Variants in TPSB2 observed in about 807,000 individuals in gnomAD.
The protein encoded by TPSB2 is tryptase beta-2.
TPSB2 carries 13 observed loss-of-function variants against 19.8 expected under a neutral mutation model. The ratio of observed to expected loss-of-function variants is 0.66; its 90% CI spans 0.43 to 1.04. TPSB2 has a LOEUF of 1.04. Among genes scored for constraint, TPSB2 ranks in the 50% least tolerant of loss-of-function variants. The probability of loss-of-function intolerance (pLI) is 0.00; values close to 1 mark genes in which losing one functional copy is unlikely to be tolerated. For missense variants in TPSB2, 196 were observed against 259.9 expected, an observed-to-expected ratio of 0.75 and a Z score of 1.69; for synonymous variants, 78 against 116.4, an observed-to-expected ratio of 0.67 and a Z score of 2.12.
At position 1,228,764 on chromosome 16, in the gene TPSB2, C is replaced by G; in HGVS notation, c.714G>C (p.Gln238His). The change falls in exon 6 of 6, where the codon CAG becomes CAC. Residue 238 changes from glutamine to histidine, a missense_variant. Coordinates refer to ENST00000606293, the MANE Select transcript of TPSB2 (RefSeq NM_024164.6). Reference sequence around the variant, plus strand: ...CCTCGCCCCAGCTGACCACGCCCGCCTGCAGCCAGGTGCCATTCACCTTGC... The same window carrying G: ...CCTCGCCCCAGCTGACCACGCCCGCGTGCAGCCAGGTGCCATTCACCTTGC... ...LVCKVNGTWL[Q>H]AGVVSWGEGC... 1 of 1,567,576 alleles carries G rather than the reference C, an allele frequency of 6.4e-7. No homozygotes were observed. Among genetic ancestry groups the G allele is most frequent in the Non-Finnish European group, 8.6e-7 (1 of 1,159,938 alleles).
rs1060344 is a variant in TPSB2, at chr16:1,228,414, C to T, written c.*236G>A. 1.3e-4 allele frequency: 116 copies of T among 910,018 alleles called. No homozygotes were observed. The highest frequency in any genetic ancestry group is 5.4e-4 in the South Asian group (30 of 55,166). The allele number at this position is 910,018 out of a possible 1,614,324, so 56.4% of individuals were successfully genotyped here. On this transcript the variant is annotated 3_prime_UTR_variant, in exon 6 of 6. Coordinates refer to ENST00000606293, the MANE Select transcript of TPSB2 (RefSeq NM_024164.6). ...ACCAGCTGCCTGGGCAGGGGAGGGC[C>T]GGAGGGCCCGGTGCAGGCGTCAGGC...
Position 1,229,612 on chromosome 16 carries a change from G to A in TPSB2, c.187C>T (p.Leu63Phe), listed in dbSNP as rs368005068. 3 of 1,598,422 alleles carry A rather than the reference G, an allele frequency of 1.9e-6. No homozygotes were observed. The highest frequency in any genetic ancestry group is 1.7e-6 in the Non-Finnish European group (2 of 1,177,816). ...GTCAGCACCCACTGGGGGTGGATGAGGGAGCCCCCGCAGAAGTGCATCCAG... is the reference window on the plus strand; with the variant it reads ...GTCAGCACCCACTGGGGGTGGATGAAGGAGCCCCCGCAGAAGTGCATCCAG... The part of the protein sequence containing the change: ...RYWMHFCGGS[L>F]IHPQWVLTAA... The change falls in exon 3 of 6, where the codon CTC (leucine) becomes TTC (phenylalanine). Residue 63 changes from leucine (L) to phenylalanine (F), a missense_variant. Physicochemically the swap from Leu to Phe is conservative, Grantham distance 22 (BLOSUM62 0). Around this residue, in one of 4 missense-constraint regions of TPSB2, gnomAD observed 72 missense variants for 80.5 expected, o/e 0.89. Coordinates refer to ENST00000606293, the MANE Select transcript of TPSB2 (RefSeq NM_024164.6).
rs1348294848 is a variant in TPSB2, at chr16:1,228,485, A to G, written c.*165T>C. Reference sequence around the variant, plus strand: ...CAGGATGGGGAAGGGTCCTCAGGACAGGGGAAGGGGCTCAGAAGAGAGCAG... The same window carrying G: ...CAGGATGGGGAAGGGTCCTCAGGACGGGGGAAGGGGCTCAGAAGAGAGCAG... On this transcript the variant is annotated 3_prime_UTR_variant, in exon 6 of 6. Transcript: ENST00000606293. The G allele has an allele frequency of 8.5e-5, 100 of 1,179,416 alleles. No individual in the cohort carries two copies. The highest frequency in any genetic ancestry group is 1.1e-4 in the Non-Finnish European group (92 of 850,686). The allele number at this position is 1,179,416 out of a possible 1,614,324, so 73.1% of individuals were successfully genotyped here. A position where few individuals can be genotyped will look rare whatever the true frequency, so the allele number is the denominator to read the frequency against.
At position 1,228,353 on chromosome 16, in the gene TPSB2, A is replaced by T. The variant is rs2030259215; in HGVS notation, c.*297T>A. 10 of 552,854 alleles carry T rather than the reference A, an allele frequency of 1.8e-5. No homozygotes were observed. Among genetic ancestry groups the T allele is most frequent in the Middle Eastern group, 4.7e-4 (1 of 2,106 alleles). 34.2% of individuals were successfully genotyped at this position (552,854 alleles called of 1,614,324 possible). ...CACACCAGTGATTTCCATGCACTTT[A>T]ATGAGGTCCAGCACTCAGGAGGATT... is the stretch of plus-strand genomic sequence containing the variant. On this transcript the variant is annotated 3_prime_UTR_variant, in exon 6 of 6. Coordinates refer to ENST00000606293, the MANE Select transcript of TPSB2 (RefSeq NM_024164.6).
Position 1,228,879 on chromosome 16 carries a change from C to A in TPSB2, c.663+21G>T, listed in dbSNP as rs768079829. 1.2e-4 allele frequency: 2 copies of A among 17,250 alleles called. 1 individual carries two copies. The highest frequency in any genetic ancestry group is 1.8e-3 in the Admixed American group (2 of 1,104). The allele number at this position is 17,250 out of a possible 1,614,324, so 1.1% of individuals were successfully genotyped here. A position where few individuals can be genotyped will look rare whatever the true frequency, so the allele number is the denominator to read the frequency against. Reference sequence around the variant, plus strand: ...GGAGTGGGGGTTGGGGGGCGGGGGGCGGGGGACAGGCGGGGCCCACCTGGC... The same window carrying A: ...GGAGTGGGGGTTGGGGGGCGGGGGGAGGGGGACAGGCGGGGCCCACCTGGC... On this transcript the variant is annotated intron_variant, in intron 5 of 5. Transcript: ENST00000606293.
rs2030280787 is a variant in TPSB2, at chr16:1,228,738, C to T, written c.740G>A (p.Gly247Asp). The T allele has an allele frequency of 3.8e-6, 6 of 1,588,136 alleles. No individual in the cohort carries two copies. Among genetic ancestry groups the T allele is most frequent in the Non-Finnish European group, 5.1e-6 (6 of 1,168,590 alleles). Residue 247 changes from glycine (G) to aspartate (D), a missense_variant, in exon 6 of 6, where the codon GGC becomes GAC. Gly to Asp is a moderately conservative substitution (Grantham distance 94). Coordinates refer to ENST00000606293, the MANE Select transcript of TPSB2 (RefSeq NM_024164.6). ...LQAGVVSWGE[G>D]CAQPNRPGIY... is the part of the protein sequence containing the mutation. ...GCCAGGCCGGTTGGGCTGGGCACAG[C>T]CCTCGCCCCAGCTGACCACGCCCGC...
Position 1,229,383 on chromosome 16 carries a change from G to A in TPSB2, c.307C>T (p.Pro103Ser), listed in dbSNP as rs1427339772. ...QHLYYQDQLLPVSRIIVHPQF... is the reference protein window; with the variant it reads ...QHLYYQDQLLSVSRIIVHPQF... ...GGGTGCACGATGATCCTGCTGACCG[G>A]CAGCAGCTGGTCCTGGTAGTAGAGG... The change falls in exon 4 of 6, where the codon CCG becomes TCG. Residue 103 changes from proline to serine, a missense_variant. This residue lies in a region of TPSB2 where 15 missense variants were observed against 40.7 expected (regional missense o/e 0.37). Coordinates refer to ENST00000606293, the MANE Select transcript of TPSB2 (RefSeq NM_024164.6). 2.3e-6 allele frequency: 2 copies of A among 863,238 alleles called. No homozygotes were observed. Among genetic ancestry groups the A allele is most frequent in the East Asian group, 3.3e-5 (1 of 30,764 alleles). The allele number at this position is 863,238 out of a possible 1,614,324, so 53.5% of individuals were successfully genotyped here. A position where few individuals can be genotyped will look rare whatever the true frequency, so the allele number is the denominator to read the frequency against.
At position 1,228,661 on chromosome 16, in the gene TPSB2, T is replaced by G. The variant is rs752260264; in HGVS notation, c.817A>C (p.Lys273Gln). The change falls in exon 6 of 6, where the codon AAA (lysine) becomes CAA (glutamine). Residue 273 changes from lysine (K) to glutamine (Q), a missense_variant. Lys to Gln is a moderately conservative substitution (Grantham distance 53, BLOSUM62 1). Transcript: ENST00000606293. ...ACCCCAGGCCTGACTCACGGCTTTT[T>G]GGGGACATAGTGGTGGATCCAGTCC... is the stretch of plus-strand genomic sequence containing the variant. The part of the protein sequence containing the change: ...YLDWIHHYVP[K>Q]KP 24 of 1,602,800 alleles carry G rather than the reference T, an allele frequency of 1.5e-5. No homozygotes were observed. Among genetic ancestry groups the G allele is most frequent in the African/African-American group, 2.8e-5 (2 of 71,368 alleles).
chr16:1,229,724 G>A lies in TPSB2; in HGVS notation c.75C>T (p.Ala25=), dbSNP rs775741560. 1.9e-6 allele frequency: 3 copies of A among 1,592,396 alleles called. No individual in the cohort carries two copies. Among genetic ancestry groups the A allele is most frequent in the African/African-American group, 1.4e-5 (1 of 71,196 alleles). The change falls in exon 3 of 6, where the codon GCC becomes GCT. Residue 25 remains alanine (A), a synonymous_variant. Coordinates refer to ENST00000606293, the MANE Select transcript of TPSB2 (RefSeq NM_024164.6). ...RAYAAPAPGQ[A]LQRVGIVGGQ... ...CCCCAACGATGCCCACTCGCTGCAG[G>A]GCCTGGCCTGGGGCTGGGGCAGGTG...
Position 1,228,540 on chromosome 16 carries a change from A to G in TPSB2, c.*110T>C. ...CTTAGGACAGGAAGGGGCACTCAGG[A>G]CGGGGCAGGGAAGGTGTGGGGGGCA... On this transcript the variant is annotated 3_prime_UTR_variant, in exon 6 of 6. Transcript: ENST00000606293. 1.4e-6 allele frequency: 1 copy of G among 699,468 alleles called. No individual in the cohort carries two copies. The highest frequency in any genetic ancestry group is 2.4e-6 in the Non-Finnish European group (1 of 411,248). The allele number at this position is 699,468 out of a possible 1,614,324, so 43.3% of individuals were successfully genotyped here.
Position 1,228,654 on chromosome 16 carries a change from G to A in TPSB2, c.824C>T (p.Pro275Leu), listed in dbSNP as rs754989651. ...GGTGGACACCCCAGGCCTGACTCAC[G>A]GCTTTTTGGGGACATAGTGGTGGAT... ...DWIHHYVPKKP is the reference protein window; with the variant it reads ...DWIHHYVPKKL Residue 275 changes from proline to leucine, a missense_variant, in exon 6 of 6, where the codon CCG (proline) becomes CTG (leucine). Around this residue, in one of 4 missense-constraint regions of TPSB2, gnomAD observed 109 missense variants for 110.2 expected, o/e 0.99. Transcript: ENST00000606293. 4.4e-5 allele frequency: 70 copies of A among 1,603,016 alleles called. 1 individual carries two copies. The highest frequency in any genetic ancestry group is 2.8e-4 in the East Asian group (12 of 43,248).
chr16:1,229,323 C>G lies in TPSB2; in HGVS notation c.367G>C (p.Ala123Pro). The G allele has an allele frequency of 1.9e-6, 1 of 535,756 alleles. No homozygotes were observed. The highest frequency in any genetic ancestry group is 2.7e-6 in the Non-Finnish European group (1 of 376,012). The allele number at this position is 535,756 out of a possible 1,614,324, so 33.2% of individuals were successfully genotyped here. ...ACCGGCTCCTCCAGCTCCAGCAGGG[C>G]GATGTCCGCTCCGATCTGGGCGGTG... ...FYTAQIGADI[A>P]LLELEEPVNV... Residue 123 changes from alanine (A) to proline (P), a missense_variant, in exon 4 of 6, where the codon GCC becomes CCC. Coordinates refer to ENST00000606293, the MANE Select transcript of TPSB2 (RefSeq NM_024164.6).
Position 1,228,879 on chromosome 16 carries a change from CG to C in TPSB2, c.663+20del, listed in dbSNP as rs2030291338. ...GGAGTGGGGGTTGGGGGGCGGGGGG[CG>C]GGGGACAGGCGGGGCCCACCTGGCA... On this transcript the variant is annotated intron_variant, in intron 5 of 5. Coordinates refer to ENST00000606293, the MANE Select transcript of TPSB2 (RefSeq NM_024164.6). 1 of 17,250 alleles carries C rather than the reference CG, an allele frequency of 5.8e-5. No individual in the cohort carries two copies. Among genetic ancestry groups the C allele is most frequent in the Admixed American group, 9.1e-4 (1 of 1,104 alleles). 1.1% of individuals were successfully genotyped at this position (17,250 alleles called of 1,614,324 possible).
Position 1,228,649 on chromosome 16 carries a change from C to T in TPSB2, c.*1G>A, listed in dbSNP as rs760788981. On this transcript the variant is annotated 3_prime_UTR_variant, in exon 6 of 6. Transcript: ENST00000606293. ...ACCCAGGTGGACACCCCAGGCCTGA[C>T]TCACGGCTTTTTGGGGACATAGTGG... 2 of 1,602,772 alleles carry T rather than the reference C, an allele frequency of 1.2e-6. No homozygotes were observed. The highest frequency in any genetic ancestry group is 2.3e-5 in the East Asian group (1 of 43,198).
Position 1,228,454 on chromosome 16 carries a change from G to A in TPSB2, c.*196C>T, listed in dbSNP as rs1482551109. 1.6e-6 allele frequency: 2 copies of A among 1,215,480 alleles called. No homozygotes were observed. Among genetic ancestry groups the A allele is most frequent in the Non-Finnish European group, 1.1e-6 (1 of 886,704 alleles). 75.3% of individuals were successfully genotyped at this position (1,215,480 alleles called of 1,614,324 possible). On this transcript the variant is annotated 3_prime_UTR_variant, in exon 6 of 6. Coordinates refer to ENST00000606293, the MANE Select transcript of TPSB2 (RefSeq NM_024164.6). ...AGGCGTCAGGCTTAGGACAGGGAAG[G>A]GGGCTCAGGATGGGGAAGGGTCCTC...
chr16:1,229,284 G>A lies in TPSB2; in HGVS notation c.406C>T (p.His136Tyr). The change falls in exon 4 of 6, where the codon CAC becomes TAC. Residue 136 changes from histidine to tyrosine, a missense_variant. Transcript: ENST00000606293. ...GGGGGCAGGGTGACCGTGTGGACGT[G>A]GCTGGAGACGTTCACCGGCTCCTCC... is the stretch of plus-strand genomic sequence containing the variant. ...ELEEPVNVSS[H>Y]VHTVTLPPAS... 1.1e-5 allele frequency: 5 copies of A among 439,528 alleles called. No homozygotes were observed. The highest frequency in any genetic ancestry group is 6.3e-5 in the East Asian group (1 of 15,978). The allele number at this position is 439,528 out of a possible 1,614,324, so 27.2% of individuals were successfully genotyped here.
chr16:1,229,091 C>G (rs759140014), intron 4 of TPSB2, 28 bp from the exon 5 acceptor site: 110,854 of 312,010 alleles, frequency 0.36, 5,083 homozygotes, highest in East Asian at 0.53. Context: ...GGTGCAGCCT[C>G]AGGAGGGGGC....
At position 1,228,810 on chromosome 16, in the gene TPSB2, T is replaced by G. The variant is rs1287226986; in HGVS notation, c.668A>C (p.Asp223Ala). The part of the protein sequence containing the change: ...GNTRRDSCQG[D>A]SGGPLVCKVN... ...CTTGCACACCAGGGGCCCTCCGGAG[T>G]CGCCCTGGGAAGGTCAGAGGTCAGC... Residue 223 changes from aspartate (D) to alanine (A), a missense_variant, in exon 6 of 6, where the codon GAC becomes GCC. Coordinates refer to ENST00000606293, the MANE Select transcript of TPSB2 (RefSeq NM_024164.6). The G allele has an allele frequency of 3.0e-6, 4 of 1,322,672 alleles. No individual in the cohort carries two copies. Among genetic ancestry groups the G allele is most frequent in the Non-Finnish European group, 3.9e-6 (4 of 1,018,290 alleles). The allele number at this position is 1,322,672 out of a possible 1,614,324, so 81.9% of individuals were successfully genotyped here.
Position 1,229,731 on chromosome 16 carries a change from C to G in TPSB2, c.68G>C (p.Gly23Ala), listed in dbSNP as rs201836020. ...GATGCCCACTCGCTGCAGGGCCTGG[C>G]CTGGGGCTGGGGCAGGTGCCAGGTC... The part of the protein sequence containing the change: ...ASRAYAAPAP[G>A]QALQRVGIVG... The change falls in exon 3 of 6, where the codon GGC becomes GCC. Residue 23 changes from glycine to alanine, a missense_variant. Gly to Ala is a moderately conservative substitution (Grantham distance 60). Coordinates refer to ENST00000606293, the MANE Select transcript of TPSB2 (RefSeq NM_024164.6). 3 of 1,512,836 alleles carry G rather than the reference C, an allele frequency of 2.0e-6. No homozygotes were observed. The highest frequency in any genetic ancestry group is 2.7e-6 in the Non-Finnish European group (3 of 1,109,288). The allele number at this position is 1,512,836 out of a possible 1,614,324, so 93.7% of individuals were successfully genotyped here.
Sources: allele counts gnomAD v4.1 joint callset, GRCh38; gene constraint gnomAD v4.1.1; regional missense constraint gnomAD v4.1.1; transcripts MANE v1.5; gene names NCBI Gene and HGNC (gene_info 2026-07-23, HGNC 2026-07-21).